PHLDB2: variants seen among roughly 807,000 people sequenced by gnomAD.
PHLDB2 encodes the protein pleckstrin homology-like domain family B member 2.
PHLDB2 carries 71 observed loss-of-function variants against 123.6 expected under a neutral mutation model. The observed-to-expected ratio is 0.57, with a 90% CI of 0.47 to 0.70. The LOEUF (loss-of-function observed/expected upper bound fraction) is 0.70. Among genes scored for constraint, PHLDB2 ranks in the 30% least tolerant of loss-of-function variants. The pLI is 0.00. For missense variants in PHLDB2, 1,446 were observed against 1,519.5 expected (o/e 0.95, Z 0.80); for synonymous variants, 547 against 541.6 (o/e 1.01, Z -0.14).
chr3:111,859,545 C>G lies in PHLDB2; in HGVS notation c.-46C>G, dbSNP rs1403776402. The G allele has an allele frequency of 1.0e-6, 1 of 985,448 alleles. No individual in the cohort carries two copies. The highest frequency in any genetic ancestry group is 1.2e-6 in the Non-Finnish European group (1 of 830,024). The allele number at this position is 985,448 out of a possible 1,614,324, so 61.0% of individuals were successfully genotyped here. A position where few individuals can be genotyped will look rare whatever the true frequency, so the allele number is the denominator to read the frequency against. On this transcript the variant is annotated 5_prime_UTR_variant, in exon 1 of 18. Transcript: ENST00000431670. ...CGCAAGGAGCGCGCCTGCCTTCTCTCGCCGCCGGGAACGGGCTGCACCAAT... is the reference window on the plus strand; with the variant it reads ...CGCAAGGAGCGCGCCTGCCTTCTCTGGCCGCCGGGAACGGGCTGCACCAAT...
intron 1 of PHLDB2, among the ~76,000 whole-genome samples, chr3:111,794,388 G>C (rs188735080): frequency 3.9e-5 from 6 of 152,254 alleles, no homozygotes; most frequent in Admixed American, 6.5e-5. Flanking sequence ...GGGTGGTGTT[G>C]GCAATTCAAG....
intron 5 of PHLDB2, among the ~76,000 whole-genome samples, chr3:111,920,946 T>C (rs2068464626): frequency 6.6e-6 from 1 of 152,238 alleles, no homozygotes; most frequent in Non-Finnish European, 1.5e-5. Context: ...GACAAATGTA[T>C]TGGAGTTTCT....
intron 6 of PHLDB2, among the ~76,000 whole-genome samples, 163 bp from the exon 7 acceptor site, chr3:111,939,312 C>T (rs1008164141): frequency 2.0e-5 from 3 of 152,170 alleles, no homozygotes; most frequent in African/African-American, 4.8e-5. Flanking sequence ...CTAACAGTCA[C>T]GTTCTGGGAT....
At chr3:111,944,716 T>C (rs1244537401) in intron 8 of PHLDB2, among the ~76,000 whole-genome samples, 1 of 152,206 alleles carries the variant, frequency 6.6e-6, no homozygotes, top group Non-Finnish European at 1.5e-5. Context: ...AATCTTGCTC[T>C]GTCTCCCAGG....
intron 1 of PHLDB2, among the ~76,000 whole-genome samples, chr3:111,799,576 G>A (rs1406770664): frequency 6.6e-6 from 1 of 152,132 alleles, no homozygotes; most frequent in South Asian, 2.1e-4. Flanking sequence ...GAAGGTGAGG[G>A]AGAAGAACAA....
chr3:111,781,541 CA>C (rs1382550157), intron 1 of PHLDB2, among the ~76,000 whole-genome samples: 1 of 152,114 alleles, frequency 6.6e-6, no homozygotes, highest in Non-Finnish European at 1.5e-5. Flanking sequence ...GACTTCATCA[CA>C]ATAGCCTTAT....
At chr3:111,904,487 TA>T (rs928774626) in intron 2 of PHLDB2, among the ~76,000 whole-genome samples, 6 of 152,102 alleles carry the variant, frequency 3.9e-5, no homozygotes, top group African/African-American at 1.4e-4. Context: ...CCAGTCTGCA[TA>T]AAGGCAGGAG....
chr3:111,793,977 G>A (rs1440033670), intron 1 of PHLDB2, among the ~76,000 whole-genome samples: 1 of 151,490 alleles, frequency 6.6e-6, no homozygotes, highest in African/African-American at 2.4e-5. Flanking sequence ...CTGGAGTTGG[G>A]GGAGGGGTAA....
Position 111,778,364 on chromosome 3 carries a change from C to T in PHLDB2, c.-49+45661C>T, listed in dbSNP as rs566324460. ...AGAAGCATGGAATGGATGCTTCCCT[C>T]ATAGCCTTCAGAAGAAACCAACTTT... On this transcript the variant is annotated intron_variant, in intron 1 of 17. Coordinates refer to the PHLDB2 transcript ENST00000393923. The T allele has an allele frequency of 8.5e-5, 13 of 152,190 alleles. 1 individual carries two copies. Among genetic ancestry groups the T allele is most frequent in the African/African-American group, 3.1e-4 (13 of 41,522 alleles). 9.4% of individuals were successfully genotyped at this position (152,190 alleles called of 1,614,324 possible).
chr3:111,815,220 C>A (rs575273439), intron 1 of PHLDB2, among the ~76,000 whole-genome samples: 85 of 152,212 alleles, frequency 5.6e-4, no homozygotes, highest in Non-Finnish European at 9.1e-4. Context: ...TCTTTGTCAG[C>A]AGCATGAAAA....
rs2071450951 is a variant in PHLDB2 at position 111,962,283 on chromosome 3, C to T, written c.3048C>T (p.Ile1016=). 3.8e-6 allele frequency: 6 copies of T among 1,585,140 alleles called. No individual in the cohort carries two copies. Among genetic ancestry groups the T allele is most frequent in the Non-Finnish European group, 5.1e-6 (6 of 1,172,704 alleles). ...LDSSDSMETS[I]SACSPDNISS... is the part of the protein sequence containing the mutation. ...GCTCTGATAGCATGGAGACCAGCAT[C>T]TCTGCTTGCTCACCAGACAACATCT... Residue 1016 remains isoleucine, a synonymous_variant, in exon 13 of 18, where the codon ATC becomes ATT. Coordinates refer to ENST00000431670, the MANE Select transcript of PHLDB2 (RefSeq NM_001134438.2).
intron 1 of PHLDB2, among the ~76,000 whole-genome samples, chr3:111,777,649 T>G (rs1023927273): frequency 1.3e-5 from 2 of 152,120 alleles, no homozygotes; most frequent in African/African-American, 4.8e-5. Context: ...ATTTTTTTTC[T>G]TCCAAAAGAT....
chr3:111,753,403 T>G (rs1477114298), intron 1 of PHLDB2, among the ~76,000 whole-genome samples: 2 of 150,048 alleles, frequency 1.3e-5, no homozygotes, highest in Admixed American at 1.3e-4. Context: ...TGGCCAGTGA[T>G]GGTGAGCATT....
intron 6 of PHLDB2, among the ~76,000 whole-genome samples, chr3:111,939,106 C>A (rs576984221): frequency 1.6e-4 from 24 of 152,184 alleles, no homozygotes; most frequent in Non-Finnish European, 2.9e-4. Flanking sequence ...CCCACCACGC[C>A]TGGCCAAGAA....
At chr3:111,795,369 A>T (rs775878960) in intron 1 of PHLDB2, among the ~76,000 whole-genome samples, 5 of 152,038 alleles carry the variant, frequency 3.3e-5, no homozygotes, top group Non-Finnish European at 7.4e-5. Flanking sequence ...CACATTGTCC[A>T]AGACCTATGG....
chr3:111,753,091 T>C (rs1215948873), intron 1 of PHLDB2, among the ~76,000 whole-genome samples: 1 of 152,182 alleles, frequency 6.6e-6, no homozygotes, highest in East Asian at 1.9e-4. Flanking sequence ...CTATTGTGAA[T>C]AGTGCCGCAA....
intron 1 of PHLDB2, among the ~76,000 whole-genome samples, chr3:111,804,525 G>C (rs1482946013): frequency 1.3e-5 from 2 of 152,170 alleles, no homozygotes; most frequent in East Asian, 3.8e-4. Context: ...CTGATGTATT[G>C]TTTTCTACGC....
Position 111,974,625 on chromosome 3 carries a change from A to G in PHLDB2, c.*62A>G, listed in dbSNP as rs980489058. 22 of 1,463,506 alleles carry G rather than the reference A, an allele frequency of 1.5e-5. 1 individual carries two copies. In the Admixed American group the frequency reaches 1.7e-4, roughly 12 times the overall value. 90.7% of individuals were successfully genotyped at this position (1,463,506 alleles called of 1,614,324 possible). On this transcript the variant is annotated 3_prime_UTR_variant, in exon 18 of 18. Coordinates refer to ENST00000431670, the MANE Select transcript of PHLDB2 (RefSeq NM_001134438.2). Reference sequence around the variant, plus strand: ...AATAATCTCTTACAAGAATGAAGCCATATTCAACCCCAGATGAGAAAACCC... The same window carrying G: ...AATAATCTCTTACAAGAATGAAGCCGTATTCAACCCCAGATGAGAAAACCC...
At chr3:111,905,545 C>CA (rs2067463128) in intron 2 of PHLDB2, among the ~76,000 whole-genome samples, 1 of 151,958 alleles carries the variant, frequency 6.6e-6, no homozygotes, top group African/African-American at 2.4e-5. Flanking sequence ...TTAGTAGAGA[C>CA]AGGGTTTCAC....
Sources: gnomAD v4.1 joint callset for allele counts (sites outside exome capture counted in the v4.1 genomes callset) on GRCh38, gnomAD v4.1.1 for gene constraint, MANE v1.5 for transcripts, NCBI Gene and HGNC (gene_info 2026-07-23, HGNC 2026-07-21) for gene names.